The following SKP2 variants were observed in gnomAD, a reference collection of about 807,000 sequenced individuals.
SKP2 encodes the protein S-phase kinase-associated protein 2.
SKP2 carries 16 observed loss-of-function variants against 51.8 expected under a neutral mutation model. That is an observed-to-expected ratio of 0.31 (90% confidence interval 0.21 to 0.47). The LOEUF (loss-of-function observed/expected upper bound fraction) is 0.47, where lower values mean the gene tolerates loss of function less well. Ranked by LOEUF, SKP2 falls within the 20% of genes least tolerant of loss-of-function variation. The probability of loss-of-function intolerance (pLI) is 1.00; values close to 1 mark genes in which losing one functional copy is unlikely to be tolerated. For missense variants in SKP2, 377 were observed against 505.3 expected (o/e 0.75, Z 2.43); for synonymous variants, 176 against 198.6 (o/e 0.89, Z 0.96).
chr5:36,152,347 T>A (rs1231827701), intron 1 of SKP2, 77 bp downstream of exon 1: 3 of 1,319,096 alleles, frequency 2.3e-6, no homozygotes, highest in Non-Finnish European at 3.3e-6. Flanking sequence ...ATATCGCTAC[T>A]GGCTAATATT....
At chr5:36,156,260 T>A (rs1485193651) in intron 2 of SKP2, among the ~76,000 whole-genome samples, 1 of 152,166 alleles carries the variant, frequency 6.6e-6, no homozygotes, top group East Asian at 1.9e-4. Flanking sequence ...TTTGGAAGCC[T>A]GGGCCTCCAG....
chr5:36,193,127 T>G (rs1403773711), intron 7 of SKP2: 3 of 152,208 alleles, frequency 2.0e-5, no homozygotes. Flanking sequence ...TTAACAGATC[T>G]ATTTGGACAA....
rs201954942 is a variant in SKP2, at chr5:36,178,289, T to C, written c.1061+997T>C. ...CTCCTAGGTAGGAAGGGTGGTGAAT[T>C]TGAACAAAGAACTTTAGTCCTCAGA... is the stretch of plus-strand genomic sequence containing the variant. On this transcript the variant is annotated intron_variant, in intron 9 of 9. Transcript: ENST00000274255. Among the ~76,000 whole-genome samples the C allele has an allele frequency of 4.6e-5, 7 of 152,256 alleles. No homozygotes were observed. In the East Asian group the frequency reaches 1.2e-3, roughly 25 times the overall value.
At chr5:36,176,641 T>C (rs1745641139) in intron 7 of SKP2, among the ~76,000 whole-genome samples, 1 of 151,974 alleles carries the variant, frequency 6.6e-6, no homozygotes, top group African/African-American at 2.4e-5. Context: ...TATTGTTTGC[T>C]TATATATACT....
In SKP2 at chr5:36,159,117, G is replaced by T. The variant is rs565419510; in HGVS notation, c.281-4528G>T. The stretch of plus-strand genomic sequence containing the variant: ...AAATCTGGGCATGGGGCCTGTGGTG[G>T]TATCCTGGGTGGGAATGCTTCTTTG... On this transcript the variant is annotated intron_variant, in intron 2 of 9. Transcript: ENST00000274255. Among the ~76,000 whole-genome samples, 24 of 152,310 alleles carry T rather than the reference G, an allele frequency of 1.6e-4. 1 individual carries two copies. The South Asian group carries it at 4.8e-3, about 30-fold the overall frequency.
intron 2 of SKP2, among the ~76,000 whole-genome samples, chr5:36,156,007 AAG>A (rs1158142709): frequency 2.0e-5 from 3 of 152,242 alleles, no homozygotes; most frequent in African/African-American, 4.8e-5. Flanking sequence ...ATTCTGAGGA[AAG>A]AGAGGGCTCT....
intron 7 of SKP2, 70 bp from the exon 8 acceptor site, chr5:36,176,895 T>C (rs1745650684): frequency 2.7e-5 from 25 of 938,420 alleles, no homozygotes; most frequent in South Asian, 4.4e-5. Context: ...TCAATGATAG[T>C]AGTGATAACA....
Position 36,152,157 on chromosome 5 carries a change from GC to G in SKP2, c.-103del. The G allele has an allele frequency of 8.5e-7, 1 of 1,175,050 alleles. No individual in the cohort carries two copies. The highest frequency in any genetic ancestry group is 1.2e-5 in the South Asian group (1 of 81,680). The allele number at this position is 1,175,050 out of a possible 1,614,324, so 72.8% of individuals were successfully genotyped here. A position where few individuals can be genotyped will look rare whatever the true frequency, so the allele number is the denominator to read the frequency against. ...GGCTTAGCGGGTCTGGCTGCTGGGG[GC>G]CCGAGCAGCACGCTCGGAGCCGCCG... On this transcript the variant is annotated 5_prime_UTR_variant, in exon 1 of 10. Coordinates refer to ENST00000274255, the MANE Select transcript of SKP2 (RefSeq NM_005983.4).
chr5:36,167,741 T>C (rs1191541507), intron 4 of SKP2, among the ~76,000 whole-genome samples: 3 of 152,060 alleles, frequency 2.0e-5, no homozygotes, highest in Admixed American at 6.5e-5. Flanking sequence ...CCTCAGCCTC[T>C]CGAGCACCTG....
intron 3 of SKP2, 34 bp from the exon 4 acceptor site, chr5:36,166,485 C>G (rs532244670): frequency 6.2e-7 from 1 of 1,607,296 alleles, no homozygotes; most frequent in East Asian, 2.2e-5. Flanking sequence ...TTAGTGTGAC[C>G]GACTGGCCAA....
chr5:36,166,711 G>A (rs2111976349), intron 4 of SKP2, 49 bp downstream of exon 4: 3 of 1,260,312 alleles, frequency 2.4e-6, no homozygotes, highest in Middle Eastern at 2.0e-4. Flanking sequence ...TTTCGAGGTA[G>A]AAACAGATCA....
At chr5:36,154,802 A>G (rs6867280) in intron 2 of SKP2, among the ~76,000 whole-genome samples, 7,380 of 152,146 alleles carry the variant, frequency 0.049, 636 homozygotes, top group African/African-American at 0.17. Flanking sequence ...TGGCCTCCCA[A>G]AGTGCTGGGA....
chr5:36,153,213 G>GATATATATATAGAT (rs1744809321), intron 2 of SKP2, among the ~76,000 whole-genome samples, 171 bp downstream of exon 2: 1 of 147,562 alleles, frequency 6.8e-6, no homozygotes, highest in African/African-American at 2.5e-5. Flanking sequence ...AATCTTGGTA[G>GATATATATATAGAT]ATATATATAT....
chr5:36,181,405 G>A (rs1331533120), intron 9 of SKP2, among the ~76,000 whole-genome samples: 2 of 152,154 alleles, frequency 1.3e-5, no homozygotes, highest in African/African-American at 4.8e-5. Flanking sequence ...TCCTTAATTT[G>A]CATGTAACCT....
chr5:36,170,218 A>G (rs1478883155), intron 5 of SKP2, 126 bp from the exon 6 acceptor site: 4 of 541,210 alleles, frequency 7.4e-6, no homozygotes, highest in Non-Finnish European at 1.3e-5. Context: ...AGATAGTGAT[A>G]TACATTTTAA....
At chr5:36,162,209 C>T (rs1745142928) in intron 2 of SKP2, among the ~76,000 whole-genome samples, 1 of 152,076 alleles carries the variant, frequency 6.6e-6, no homozygotes, top group South Asian at 2.1e-4. Context: ...TTATCATGAC[C>T]TAGGAAGCCT....
At chr5:36,165,722 A>G (rs900686481) in intron 3 of SKP2, among the ~76,000 whole-genome samples, 22 of 152,346 alleles carry the variant, frequency 1.4e-4, no homozygotes, top group African/African-American at 5.3e-4. Flanking sequence ...TTCAAGCACT[A>G]TTAAAAAAGA....
At chr5:36,155,812 CA>C (rs1744928307) in intron 2 of SKP2, among the ~76,000 whole-genome samples, 1 of 152,144 alleles carries the variant, frequency 6.6e-6, no homozygotes. Flanking sequence ...TGCCCTTCCA[CA>C]AGTGAAAAAG....
At chr5:36,186,706 T>C (rs1249780060), downstream of SKP2, among the ~76,000 whole-genome samples, 1 of 20,454 alleles carries the variant, frequency 4.9e-5, no homozygotes, top group Admixed American at 3.0e-4. Context: ...TCTAAAATTC[T>C]CTTTTGTTGT....
Sources: allele counts gnomAD v4.1 joint callset (sites outside exome capture counted in the v4.1 genomes callset), GRCh38; gene constraint gnomAD v4.1.1; transcripts MANE v1.5; gene names NCBI Gene and HGNC (gene_info 2026-07-23, HGNC 2026-07-21).